Variants in UHRF2 observed in about 807,000 individuals in gnomAD.
UHRF2 encodes E3 ubiquitin-protein ligase UHRF2.
A neutral mutation model predicts 96.8 loss-of-function variants in UHRF2; 23 were observed. The ratio of observed to expected loss-of-function variants is 0.24; its 90% CI spans 0.17 to 0.34. UHRF2 has a LOEUF of 0.34. Ranked by LOEUF, UHRF2 falls within the 10% of genes least tolerant of loss-of-function variation. The pLI is 1.00. For synonymous variants in UHRF2, 385 were observed against 332.6 expected, an observed-to-expected ratio of 1.16 and a Z score of -1.72; for missense variants, 685 against 981.5, an observed-to-expected ratio of 0.70 and a Z score of 4.04.
rs560377935 is a variant in UHRF2, at chr9:6,424,238, A to G, written c.384+3096A>G. On this transcript the variant is annotated intron_variant, in intron 2 of 15. Coordinates refer to ENST00000276893, the MANE Select transcript of UHRF2 (RefSeq NM_152896.3). ...GCAGTCACTAAAGTGGCTATCTTCA[A>G]AGTTAACATTGAGCTGCTGATAGCT... 3.9e-5 allele frequency among the ~76,000 whole-genome samples: 6 copies of G among 152,366 alleles called. No individual in the cohort carries two copies. In the South Asian group the frequency reaches 1.2e-3, roughly 32 times the overall value.
intron 8 of UHRF2, among the ~76,000 whole-genome samples, chr9:6,484,157 G>C (rs1179850750): frequency 6.6e-6 from 1 of 151,038 alleles, no homozygotes; most frequent in Non-Finnish European, 1.5e-5. Flanking sequence ...TGTAACTTCA[G>C]ACTTCTGGGC....
chr9:6,424,343 A>C (rs1231138239), intron 2 of UHRF2, among the ~76,000 whole-genome samples: 3 of 150,088 alleles, frequency 2.0e-5, no homozygotes, highest in Non-Finnish European at 4.4e-5. Context: ...GTTAAGACTT[A>C]TGTAAATTAA....
chr9:6,414,742 A>G (rs1297170379), intron 1 of UHRF2, among the ~76,000 whole-genome samples: 2 of 152,212 alleles, frequency 1.3e-5, no homozygotes, highest in African/African-American at 4.8e-5. Context: ...TCCCCTTCAC[A>G]GGCTTAGTCT....
At chr9:6,438,539 A>G (rs997591577) in intron 3 of UHRF2, among the ~76,000 whole-genome samples, 1 of 152,174 alleles carries the variant, frequency 6.6e-6, no homozygotes, top group African/African-American at 2.4e-5. Context: ...GATAAGCATT[A>G]TTTGGCAAAC....
Position 6,493,873 on chromosome 9 carries a change from T to G in UHRF2, c.1545T>G (p.Leu515=). 6.2e-7 allele frequency: 1 copy of G among 1,613,978 alleles called. No homozygotes were observed. The highest frequency in any genetic ancestry group is 8.5e-7 in the Non-Finnish European group (1 of 1,179,946). Residue 515 remains leucine (L), a synonymous_variant, in exon 10 of 16, where the codon CTT becomes CTG. Transcript: ENST00000276893. ...FTYTGSGGKN[L]AGNKRIGAPS... ...ACACTGGAAGCGGTGGTAAAAATCTTGCTGGTAACAAAAGAATTGGTGCAC... is the reference window on the plus strand; with the variant it reads ...ACACTGGAAGCGGTGGTAAAAATCTGGCTGGTAACAAAAGAATTGGTGCAC...
intron 3 of UHRF2, among the ~76,000 whole-genome samples, chr9:6,454,122 G>A (rs1288499791): frequency 3.3e-5 from 5 of 152,118 alleles, no homozygotes; most frequent in East Asian, 1.9e-4. Context: ...CATTAGGTAC[G>A]TTTTACGGGT....
chr9:6,422,489 C>T (rs940747400), intron 2 of UHRF2: 2 of 422,466 alleles, frequency 4.7e-6, no homozygotes, highest in Non-Finnish European at 8.7e-6. Flanking sequence ...ATATAAAGCT[C>T]TACAAATCTG....
chr9:6,476,310 A>T (rs1431648778), intron 5 of UHRF2, among the ~76,000 whole-genome samples: 4 of 152,074 alleles, frequency 2.6e-5, no homozygotes, highest in African/African-American at 9.7e-5. Context: ...TCTGTTATAG[A>T]TTCTGTCCAA....
At chr9:6,499,633 C>G (rs1587884095) in intron 12 of UHRF2, 1 of 379,650 alleles carries the variant, frequency 2.6e-6, no homozygotes, top group African/African-American at 2.1e-5. Flanking sequence ...TCTTAGCAGT[C>G]ACAGCTACAT....
chr9:6,502,213 C>G (rs1465154262), intron 14 of UHRF2, among the ~76,000 whole-genome samples: 1 of 152,224 alleles, frequency 6.6e-6, no homozygotes, highest in Non-Finnish European at 1.5e-5. Context: ...GCCCTACCTA[C>G]ATCTGTAGTC....
At chr9:6,414,403 A>G (rs1819469942) in intron 1 of UHRF2, among the ~76,000 whole-genome samples, 1 of 152,032 alleles carries the variant, frequency 6.6e-6, no homozygotes, top group Non-Finnish European at 1.5e-5. Context: ...GCCTTCTAAT[A>G]CTCATGTCGT....
At chr9:6,444,385 T>C (rs1425760134) in intron 3 of UHRF2, among the ~76,000 whole-genome samples, 1 of 152,234 alleles carries the variant, frequency 6.6e-6, no homozygotes, top group Non-Finnish European at 1.5e-5. Flanking sequence ...TGCTCATGTG[T>C]TGCAAGATCA....
At chr9:6,450,356 T>G (rs1167204779) in intron 3 of UHRF2, among the ~76,000 whole-genome samples, 1 of 147,534 alleles carries the variant, frequency 6.8e-6, no homozygotes, top group Non-Finnish European at 1.5e-5. Context: ...TGTACAATTT[T>G]CTCAGTCTGG....
At chr9:6,456,327 A>G (rs576836878) in intron 3 of UHRF2, among the ~76,000 whole-genome samples, 56 of 152,252 alleles carry the variant, frequency 3.7e-4, no homozygotes, top group Non-Finnish European at 6.6e-4. Context: ...GGCCGCATAA[A>G]TGTCTCCTTT....
At chr9:6,473,021 A>G (rs1235008374) in intron 4 of UHRF2, among the ~76,000 whole-genome samples, 6 of 152,218 alleles carry the variant, frequency 3.9e-5, no homozygotes, top group African/African-American at 1.4e-4. Flanking sequence ...ACAGTAATCA[A>G]CCTAGTTGCA....
At chr9:6,490,576 C>G (rs1824601122) in intron 9 of UHRF2, among the ~76,000 whole-genome samples, 1 of 152,102 alleles carries the variant, frequency 6.6e-6, no homozygotes, top group Non-Finnish European at 1.5e-5. Context: ...TGCGGTGAGC[C>G]AAGATCACAT....
At position 6,455,538 on chromosome 9, in the gene UHRF2, T is replaced by C. The variant is rs542453637; in HGVS notation, c.645-5035T>C. ...CACATTTTCTTAATCCAGTCTATCA[T>C]TGATGGACATTTGGGTTGGTTCCAA... is the stretch of plus-strand genomic sequence containing the variant. On this transcript the variant is annotated intron_variant, in intron 3 of 15. Coordinates refer to ENST00000276893, the MANE Select transcript of UHRF2 (RefSeq NM_152896.3). 6.6e-5 allele frequency among the ~76,000 whole-genome samples: 10 copies of C among 152,304 alleles called. No homozygotes were observed. The East Asian group carries it at 1.9e-3, about 29-fold the overall frequency.
In UHRF2 at chr9:6,486,922, A is replaced by G; in HGVS notation, c.1494A>G (p.Glu498=). ...SLVLAGGFAD[E]VDRGDEFTYT... The stretch of plus-strand genomic sequence containing the variant: ...TACTGGCTGGTGGATTTGCGGATGA[A>G]GTCGTAAGTCATTATACAACCTTAC... The change falls in exon 9 of 16, where the codon GAA becomes GAG. Residue 498 remains glutamate (E), a synonymous_variant. Coordinates refer to ENST00000276893, the MANE Select transcript of UHRF2 (RefSeq NM_152896.3). 1 of 1,613,972 alleles carries G rather than the reference A, an allele frequency of 6.2e-7. No individual in the cohort carries two copies.
chr9:6,439,433 G>A (rs771351938), intron 3 of UHRF2, among the ~76,000 whole-genome samples: 1 of 152,176 alleles, frequency 6.6e-6, no homozygotes, highest in Non-Finnish European at 1.5e-5. Flanking sequence ...GATTACAGGC[G>A]TGAGCCTTCT....
Sources: gnomAD v4.1 joint callset for allele counts (sites outside exome capture counted in the v4.1 genomes callset) on GRCh38, gnomAD v4.1.1 for gene constraint, MANE v1.5 for transcripts, NCBI Gene and HGNC (gene_info 2026-07-23, HGNC 2026-07-21) for gene names.